CPD: variants seen among roughly 807,000 people sequenced by gnomAD.
CPD encodes carboxypeptidase D.
CPD carries 69 observed loss-of-function variants against 138.3 expected under a neutral mutation model. The ratio of observed to expected loss-of-function variants is 0.50; its 90% CI spans 0.41 to 0.61. The LOEUF is 0.61. CPD is among the 20% of genes least tolerant of loss of function. The pLI, the probability that CPD is intolerant of heterozygous loss-of-function variation, is 0.00. For missense variants in CPD, 1,432 were observed against 1,733.3 expected (o/e 0.83, Z 3.09); for synonymous variants, 651 against 642.1 (o/e 1.01, Z -0.21).
At chr17:30,420,207 A>G (rs1912228901) in intron 2 of CPD, among the ~76,000 whole-genome samples, 1 of 152,214 alleles carries the variant, frequency 6.6e-6, no homozygotes, top group East Asian at 1.9e-4. Flanking sequence ...TCCGTTTAAC[A>G]CATTTTGAAA....
intron 7 of CPD, among the ~76,000 whole-genome samples, chr17:30,430,529 C>T (rs970603100): frequency 6.6e-6 from 1 of 152,168 alleles, no homozygotes; most frequent in African/African-American, 2.4e-5. Context: ...ATCAATATCA[C>T]ATTTGCTTTA....
chr17:30,402,872 C>T lies in CPD; in HGVS notation c.994+17636C>T, dbSNP rs549143727. Among the ~76,000 whole-genome samples the T allele has an allele frequency of 2.0e-4, 31 of 152,090 alleles. 1 individual carries two copies. The South Asian group carries it at 6.2e-3, about 31-fold the overall frequency. ...CTATAATCCCAGCACTTTGAGAGGC[C>T]GAGGCGGGCAGATCACCTGAGGTCA... On this transcript the variant is annotated intron_variant, in intron 2 of 20. Coordinates refer to ENST00000225719, the MANE Select transcript of CPD (RefSeq NM_001304.5).
At position 30,384,982 on chromosome 17, in the gene CPD, T is replaced by G; in HGVS notation, c.747-7T>G. 1.2e-6 allele frequency: 2 copies of G among 1,609,706 alleles called. No homozygotes were observed. The highest frequency in any genetic ancestry group is 1.7e-6 in the Non-Finnish European group (2 of 1,177,032). On this transcript the variant is annotated splice_polypyrimidine_tract_variant and splice_region_variant and intron_variant, in intron 1 of 20. Transcript: ENST00000225719. The stretch of plus-strand genomic sequence containing the variant: ...TAGTGATACGTGATTTGGTTGTATT[T>G]TCAAAGGTTTGTGCTTTCTGGAAAT...
In CPD at chr17:30,422,917, C is replaced by T. The variant is rs1174829851; in HGVS notation, c.1551C>T (p.Ala517=). ...TGGAAATCTTCTTGAGAAGGTTTGC[C>T]AATGAATATCCTAACATTACCCGGC... The part of the protein sequence containing the change: ...PDMEIFLRRF[A]NEYPNITRLY... The change falls in exon 5 of 21, where the codon GCC becomes GCT. Residue 517 remains alanine (A), a synonymous_variant. Transcript: ENST00000225719. 1 of 1,613,992 alleles carries T rather than the reference C, an allele frequency of 6.2e-7. No homozygotes were observed. The highest frequency in any genetic ancestry group is 2.2e-5 in the East Asian group (1 of 44,872).
chr17:30,410,807 A>T (rs1911945484), intron 2 of CPD, among the ~76,000 whole-genome samples: 1 of 152,144 alleles, frequency 6.6e-6, no homozygotes, highest in Admixed American at 6.5e-5. Context: ...TTGACTCTTT[A>T]TCCAGTTTGT....
chr17:30,414,872 T>C (rs1912064756), intron 2 of CPD, among the ~76,000 whole-genome samples: 1 of 152,186 alleles, frequency 6.6e-6, no homozygotes, highest in Admixed American at 6.5e-5. Flanking sequence ...ATGTTAAGTT[T>C]GTGATATCCA....
At chr17:30,420,773 T>A in intron 2 of CPD, 68 bp from the exon 3 acceptor site, 1 of 1,402,656 alleles carries the variant, frequency 7.1e-7, no homozygotes, top group South Asian at 1.4e-5. Context: ...CTGATTTAAT[T>A]TCTTCAGTCT....
At chr17:30,451,919 A>G in intron 14 of CPD, 73 bp downstream of exon 14, 2 of 1,421,918 alleles carry the variant, frequency 1.4e-6, no homozygotes, top group South Asian at 1.3e-5. Flanking sequence ...GATTGATCCT[A>G]TTTTGTCAGT....
chr17:30,402,295 G>A (rs1404587855), intron 2 of CPD, among the ~76,000 whole-genome samples: 1 of 152,036 alleles, frequency 6.6e-6, no homozygotes, highest in Non-Finnish European at 1.5e-5. Flanking sequence ...GCTGGGCGTG[G>A]TGGTTCACAC....
Position 30,379,795 on chromosome 17 carries a change from T to C in CPD, c.746+69T>C. The C allele has an allele frequency of 8.8e-7, 1 of 1,135,686 alleles. No individual in the cohort carries two copies. Among genetic ancestry groups the C allele is most frequent in the Non-Finnish European group, 1.2e-6 (1 of 858,948 alleles). 70.4% of individuals were successfully genotyped at this position (1,135,686 alleles called of 1,614,324 possible). On this transcript the variant is annotated intron_variant, in intron 1 of 20. Coordinates refer to ENST00000225719, the MANE Select transcript of CPD (RefSeq NM_001304.5). This position sits in a 1 kb window ranked among gnomAD's most constrained non-coding sequence, Gnocchi z 7.0. ...GGCCGAGGCTGGTTCCGGCACCCAG[T>C]AGGCGCTCAGACAATGCTGGCATAA...
intron 11 of CPD, 56 bp downstream of exon 11, chr17:30,444,027 C>A: frequency 6.4e-7 from 1 of 1,571,726 alleles, no homozygotes; most frequent in Non-Finnish European, 8.7e-7. Context: ...TGGCTCCATT[C>A]TGGAGGATTA....
intron 2 of CPD, among the ~76,000 whole-genome samples, chr17:30,413,357 T>G (rs942795159): frequency 2.6e-5 from 4 of 152,194 alleles, no homozygotes; most frequent in Non-Finnish European, 5.9e-5. Context: ...CTTACCCATT[T>G]CCTGCCAGAC....
intron 2 of CPD, among the ~76,000 whole-genome samples, chr17:30,407,465 T>C (rs1911832444): frequency 6.6e-6 from 1 of 152,206 alleles, no homozygotes; most frequent in African/African-American, 2.4e-5. Context: ...CTCTACATCG[T>C]CTCCAGTATC....
Position 30,423,521 on chromosome 17 carries a change from A to C in CPD, c.1673A>C (p.Lys558Thr). The change falls in exon 6 of 21, where the codon AAG becomes ACG. Residue 558 changes from lysine (K) to threonine (T), a missense_variant. Coordinates refer to ENST00000225719, the MANE Select transcript of CPD (RefSeq NM_001304.5). The part of the protein sequence containing the change: ...GVHEPGEPEF[K>T]YIGNMHGNEV... ...TTGTTTTCAGGTGAACCAGAATTTA[A>C]GTACATTGGAAATATGCATGGAAAT... 1 of 1,568,868 alleles carries C rather than the reference A, an allele frequency of 6.4e-7. No homozygotes were observed.
rs374828330 is a variant in CPD at position 30,427,096 on chromosome 17, C to T, written c.1850-295C>T. Among the ~76,000 whole-genome samples the T allele has an allele frequency of 5.3e-4, 80 of 151,566 alleles. 1 individual carries two copies. Among genetic ancestry groups the T allele is most frequent in the African/African-American group, 1.7e-3 (71 of 41,278 alleles). Reference sequence around the variant, plus strand: ...ACTTGGGAGGCTGAGATGGGAGAATCGCTTGAACCCGGGAGATGGTGGTTG... The same window carrying T: ...ACTTGGGAGGCTGAGATGGGAGAATTGCTTGAACCCGGGAGATGGTGGTTG... On this transcript the variant is annotated intron_variant, in intron 6 of 20. Transcript: ENST00000225719.
chr17:30,394,206 T>G (rs924142602), intron 2 of CPD, among the ~76,000 whole-genome samples: 1 of 138,260 alleles, frequency 7.2e-6, no homozygotes, highest in Non-Finnish European at 1.5e-5. Flanking sequence ...ACAGGGTTCA[T>G]AGGATCAAGT....
chr17:30,382,439 T>G (rs533502737), intron 1 of CPD, among the ~76,000 whole-genome samples: 2 of 152,332 alleles, frequency 1.3e-5, no homozygotes, highest in East Asian at 3.9e-4. Context: ...AACCATAAAG[T>G]ACCTGTCAAA....
intron 1 of CPD, among the ~76,000 whole-genome samples, chr17:30,382,258 G>A (rs1239199614): frequency 6.6e-6 from 1 of 151,934 alleles, no homozygotes; most frequent in East Asian, 1.9e-4. Flanking sequence ...TATCTACAGG[G>A]TTACCTGGAT....
intron 2 of CPD, among the ~76,000 whole-genome samples, chr17:30,407,844 G>T (rs910212880): frequency 1.3e-5 from 2 of 151,984 alleles, no homozygotes; most frequent in East Asian, 1.9e-4. Flanking sequence ...GTCTATTTTG[G>T]CTTTTGTTGC....
Sources: gnomAD v4.1 joint callset for allele counts (sites outside exome capture counted in the v4.1 genomes callset) on GRCh38, gnomAD v4.1.1 for gene constraint, Gnocchi (gnomAD v3.1) non-coding constraint, MANE v1.5 for transcripts, NCBI Gene and HGNC (gene_info 2026-07-23, HGNC 2026-07-21) for gene names.